NUP62: variants seen among roughly 807,000 people sequenced by gnomAD.
The protein encoded by NUP62 is nucleoporin 62, also known as nuclear pore glycoprotein p62.
For missense variants in NUP62, 647 were observed against 689.4 expected, an observed-to-expected ratio of 0.94 and a Z score of 0.69; for synonymous variants, 305 against 303.4, an observed-to-expected ratio of 1.01 and a Z score of -0.05.
At position 49,920,691 on chromosome 19, in the gene NUP62, G is replaced by A. The variant is rs75872842; in HGVS notation, c.-78+7003C>T. Among the ~76,000 whole-genome samples, 795 of 152,304 alleles carry A rather than the reference G, an allele frequency of 5.2e-3. 1 individual carries two copies. Among genetic ancestry groups the A allele is most frequent in the Middle Eastern group, 0.037 (11 of 294 alleles). On this transcript the variant is annotated intron_variant, in intron 2 of 2. Coordinates refer to ENST00000352066, the MANE Select transcript of NUP62 (RefSeq NM_016553.5). ...GGCCCATGCCTTCCTTGGGGTGGCCGGTAATGCTGGTTGAGAACAGGCTGG... is the reference window on the plus strand; with the variant it reads ...GGCCCATGCCTTCCTTGGGGTGGCCAGTAATGCTGGTTGAGAACAGGCTGG...
At chr19:49,910,762 T>C (rs889261686) in intron 2 of NUP62, among the ~76,000 whole-genome samples, 2 of 152,060 alleles carry the variant, frequency 1.3e-5, no homozygotes, top group Non-Finnish European at 2.9e-5. Flanking sequence ...AGAAGACCCA[T>C]GGGCCACAGT....
At chr19:49,914,845 T>C (rs1335769314) in intron 2 of NUP62, among the ~76,000 whole-genome samples, 1 of 144,438 alleles carries the variant, frequency 6.9e-6, no homozygotes, top group Non-Finnish European at 1.5e-5. Flanking sequence ...GTTCAAGCAA[T>C]TCTCCCACCT....
chr19:49,915,561 T>C (rs972917279), intron 2 of NUP62, among the ~76,000 whole-genome samples: 3 of 152,220 alleles, frequency 2.0e-5, no homozygotes, highest in African/African-American at 7.2e-5. Flanking sequence ...AACCACTACA[T>C]TTGTGATGAC....
chr19:49,924,979 G>A (rs113334914), intron 2 of NUP62, among the ~76,000 whole-genome samples: 4,024 of 152,264 alleles, frequency 0.026, 179 homozygotes, highest in African/African-American at 0.092. Flanking sequence ...TACCCACACC[G>A]GGCCAGGCGC....
intron 2 of NUP62, among the ~76,000 whole-genome samples, chr19:49,916,878 G>A (rs1600530773): frequency 6.6e-6 from 1 of 152,192 alleles, no homozygotes. Context: ...CTGTGATCAT[G>A]CCACCATACT....
intron 2 of NUP62, among the ~76,000 whole-genome samples, chr19:49,915,867 A>G (rs1055044237): frequency 2.6e-5 from 4 of 152,254 alleles, no homozygotes; most frequent in African/African-American, 9.6e-5. Flanking sequence ...TAGGCCATCT[A>G]TGATGGGAGG....
intron 2 of NUP62, among the ~76,000 whole-genome samples, chr19:49,914,386 G>A (rs568440931): frequency 6.6e-6 from 1 of 152,248 alleles, no homozygotes; most frequent in Admixed American, 6.5e-5. Context: ...CTCAGGGCTG[G>A]GTGGCTGTGA....
chr19:49,926,856 T>C (rs1308800467), intron 2 of NUP62, among the ~76,000 whole-genome samples: 1 of 7,990 alleles, frequency 1.3e-4, no homozygotes. Flanking sequence ...AAGTAGGTAC[T>C]TTTTTTTTTT....
intron 2 of NUP62, among the ~76,000 whole-genome samples, chr19:49,916,421 T>C (rs1474780287): frequency 1.3e-5 from 2 of 149,754 alleles, no homozygotes; most frequent in Non-Finnish European, 3.0e-5. Context: ...TGGCGGGATC[T>C]TGGCTCACTG....
chr19:49,908,255 C>G lies in NUP62; in HGVS notation c.1553G>C (p.Arg518Pro), dbSNP rs569791604. 6.2e-7 allele frequency: 1 copy of G among 1,613,382 alleles called. No homozygotes were observed. The highest frequency in any genetic ancestry group is 8.5e-7 in the Non-Finnish European group (1 of 1,180,036). The change falls in exon 3 of 3, where the codon CGG becomes CCG. Residue 518 changes from arginine to proline, a missense_variant. Physicochemically the swap from Arg to Pro is moderately radical, Grantham distance 103. Coordinates refer to ENST00000352066, the MANE Select transcript of NUP62 (RefSeq NM_016553.5). ...TGCTGTCGCTCAGTCAAAGGTGATCCGGAAGCTGCGCTCCTGCTCCTTGCG... is the reference window on the plus strand; with the variant it reads ...TGCTGTCGCTCAGTCAAAGGTGATCGGGAAGCTGCGCTCCTGCTCCTTGCG... ...GRRKEQERSFRITFD is the reference protein window; with the variant it reads ...GRRKEQERSFPITFD
At position 49,909,168 on chromosome 19, in the gene NUP62, T is replaced by C; in HGVS notation, c.640A>G (p.Ile214Val). 1 of 1,613,504 alleles carries C rather than the reference T, an allele frequency of 6.2e-7. No homozygotes were observed. The highest frequency in any genetic ancestry group is 8.5e-7 in the Non-Finnish European group (1 of 1,179,762). ...QPAAPTPTATITSTGPSLFAS... is the reference protein window; with the variant it reads ...QPAAPTPTATVTSTGPSLFAS... Reference sequence around the variant, plus strand: ...AAGAGGCTGGGCCCAGTGCTGGTGATGGTGGCTGTGGGTGTGGGAGCAGCT... The same window carrying C: ...AAGAGGCTGGGCCCAGTGCTGGTGACGGTGGCTGTGGGTGTGGGAGCAGCT... Residue 214 changes from isoleucine to valine, a missense_variant, in exon 3 of 3, where the codon ATC (isoleucine) becomes GTC (valine). By Grantham distance (29) the Ile-to-Val change is conservative (BLOSUM62 3). Coordinates refer to ENST00000352066, the MANE Select transcript of NUP62 (RefSeq NM_016553.5).
rs1050506535 is a variant in NUP62 at position 49,907,657 on chromosome 19, C to T, written c.*582G>A. 2.8e-4 allele frequency: 104 copies of T among 372,052 alleles called. 2 individuals carry two copies. The highest frequency in any genetic ancestry group is 2.1e-3 in the South Asian group (99 of 48,262). The allele number at this position is 372,052 out of a possible 1,614,324, so 23.0% of individuals were successfully genotyped here. On this transcript the variant is annotated 3_prime_UTR_variant, in exon 3 of 3. Coordinates refer to ENST00000352066, the MANE Select transcript of NUP62 (RefSeq NM_016553.5). ...AAGTGATTCTCCTGCCTCAGCCTCC[C>T]GAGTAGCTGAGATTGAGATCACAGG...
chr19:49,929,049 G>A (rs964617085), intron 1 of NUP62: 21 of 152,402 alleles, frequency 1.4e-4, no homozygotes, highest in African/African-American at 4.6e-4. Context: ...CGGACCCTAG[G>A]AGTGGGAAGG....
rs2075341647 is a variant in NUP62, at chr19:49,907,247, C to A, written c.*992G>T. The A allele has an allele frequency of 3.4e-6, 1 of 291,480 alleles. No individual in the cohort carries two copies. 18.1% of individuals were successfully genotyped at this position (291,480 alleles called of 1,614,324 possible). A position where few individuals can be genotyped will look rare whatever the true frequency, so the allele number is the denominator to read the frequency against. On this transcript the variant is annotated 3_prime_UTR_variant, in exon 3 of 3. Coordinates refer to ENST00000352066, the MANE Select transcript of NUP62 (RefSeq NM_016553.5). ...GTACAGGCTCAGGGTGCTACGGGGA[C>A]CTGCAAGAAGGCCACCTGAGCTTCG...
At chr19:49,925,078 A>G (rs1337486933) in intron 2 of NUP62, among the ~76,000 whole-genome samples, 2 of 152,054 alleles carry the variant, frequency 1.3e-5, no homozygotes, top group East Asian at 1.9e-4. Flanking sequence ...CCTGACCAAC[A>G]TGGAGAAACC....
intron 2 of NUP62, among the ~76,000 whole-genome samples, chr19:49,918,143 T>A (rs1339381276): frequency 6.6e-6 from 1 of 151,852 alleles, no homozygotes; most frequent in Non-Finnish European, 1.5e-5. Flanking sequence ...CACAGCTCAC[T>A]GCAGCCTCGA....
intron 2 of NUP62, among the ~76,000 whole-genome samples, chr19:49,922,130 G>A (rs1014269201): frequency 1.3e-5 from 2 of 152,152 alleles, no homozygotes; most frequent in Non-Finnish European, 2.9e-5. Flanking sequence ...AACTAACCCC[G>A]GCGGCACTAG....
chr19:49,923,465 CG>C (rs2075812318), intron 2 of NUP62, among the ~76,000 whole-genome samples: 1 of 152,160 alleles, frequency 6.6e-6, no homozygotes, highest in South Asian at 2.1e-4. Context: ...TCGAAGCGTT[CG>C]GGGGAGCAGT....
intron 2 of NUP62, among the ~76,000 whole-genome samples, chr19:49,916,938 C>A (rs993250368): frequency 6.6e-6 from 1 of 152,208 alleles, no homozygotes; most frequent in Non-Finnish European, 1.5e-5. Flanking sequence ...TAAAAAAGTT[C>A]TGGGAGGCAC....
Sources: gnomAD v4.1 joint callset for allele counts (sites outside exome capture counted in the v4.1 genomes callset) on GRCh38, gnomAD v4.1.1 for gene constraint, MANE v1.5 for transcripts, NCBI Gene and HGNC (gene_info 2026-07-23, HGNC 2026-07-21) for gene names.